KIF2A: variants seen among roughly 807,000 people sequenced by gnomAD.
KIF2A encodes kinesin-like protein KIF2A.
KIF2A carries 22 observed loss-of-function variants against 100.2 expected under a neutral mutation model. The observed-to-expected ratio is 0.22, with a 90% CI of 0.16 to 0.31. KIF2A has a LOEUF of 0.31. KIF2A is among the 10% of genes least tolerant of loss of function. KIF2A has a pLI of 1.00. For synonymous variants in KIF2A, 268 were observed against 285.9 expected (o/e 0.94, Z 0.63); for missense variants, 495 against 898.7 (o/e 0.55, Z 5.74).
chr5:62,321,717 A>C (rs1248108253), intron 1 of KIF2A, among the ~76,000 whole-genome samples: 1 of 151,656 alleles, frequency 6.6e-6, no homozygotes. Context: ...TGCACACCAC[A>C]TCCGGTCGAT....
chr5:62,388,782 A>C lies in KIF2A; in HGVS notation c.*3213A>C. On this transcript the variant is annotated 3_prime_UTR_variant, in exon 21 of 21. Transcript: ENST00000407818. ...GCGTCTCTGCGGCTCCTGAACTTGA[A>C]GATTATTATGAATAGATTGGACCAG... The C allele has an allele frequency of 1.8e-6, 1 of 546,504 alleles. No individual in the cohort carries two copies. Among genetic ancestry groups the C allele is most frequent in the Non-Finnish European group, 3.3e-6 (1 of 305,022 alleles). 33.9% of individuals were successfully genotyped at this position (546,504 alleles called of 1,614,324 possible). A position where few individuals can be genotyped will look rare whatever the true frequency, so the allele number is the denominator to read the frequency against.
intron 4 of KIF2A, among the ~76,000 whole-genome samples, chr5:62,351,423 A>G (rs552690930): frequency 1.1e-3 from 174 of 152,290 alleles, no homozygotes; most frequent in African/African-American, 3.8e-3. Context: ...TTGAACAGAC[A>G]TAAAAATTGT....
At chr5:62,329,860 AGAAAG>A (rs1469685106) in intron 1 of KIF2A, among the ~76,000 whole-genome samples, 3 of 152,208 alleles carry the variant, frequency 2.0e-5, no homozygotes, top group Non-Finnish European at 4.4e-5. Flanking sequence ...AATAAGCTGA[AGAAAG>A]GAATTGTATC....
intron 4 of KIF2A, among the ~76,000 whole-genome samples, chr5:62,352,286 TA>T (rs998336886): frequency 1.3e-5 from 2 of 152,120 alleles, no homozygotes; most frequent in Non-Finnish European, 2.9e-5. Flanking sequence ...AAAGGATTAT[TA>T]AAAAACAAGC....
At chr5:62,358,336 A>G (rs1006893644) in intron 9 of KIF2A, 37 bp downstream of exon 9, 10 of 1,453,686 alleles carry the variant, frequency 6.9e-6, no homozygotes, top group Non-Finnish European at 9.2e-6. Flanking sequence ...TTTTGTTCTT[A>G]TGCCATGTGG....
At chr5:62,375,660 C>T (rs1741505552) in intron 18 of KIF2A, among the ~76,000 whole-genome samples, 1 of 152,218 alleles carries the variant, frequency 6.6e-6, no homozygotes, top group Non-Finnish European at 1.5e-5. Flanking sequence ...GATACACTTA[C>T]TACTTTTTGT....
At chr5:62,368,289 T>C (rs1323039922) in intron 16 of KIF2A, among the ~76,000 whole-genome samples, 1 of 151,804 alleles carries the variant, frequency 6.6e-6, no homozygotes, top group Non-Finnish European at 1.5e-5. Flanking sequence ...TTTTTAAAAA[T>C]AATTTTACTA....
intron 1 of KIF2A, among the ~76,000 whole-genome samples, chr5:62,342,576 A>T (rs1027656319): frequency 1.3e-5 from 2 of 152,104 alleles, no homozygotes; most frequent in African/African-American, 4.8e-5. Context: ...GGCTCAGTGC[A>T]GGACTCCTCT....
intron 1 of KIF2A, among the ~76,000 whole-genome samples, chr5:62,338,051 A>G (rs1402395324): frequency 2.0e-5 from 3 of 152,202 alleles, no homozygotes; most frequent in African/African-American, 4.8e-5. Context: ...ACAATAAGAC[A>G]GGAGGGCTTA....
rs111443075 is a variant in KIF2A, at chr5:62,317,910, A to G, written c.64+11374A>G. ...TCTCCAGTCTCTTTTGCTATTGCCTATGTTTAAACTCTCTTGCTCACAAGA... is the reference window on the plus strand; with the variant it reads ...TCTCCAGTCTCTTTTGCTATTGCCTGTGTTTAAACTCTCTTGCTCACAAGA... On this transcript the variant is annotated intron_variant, in intron 1 of 20. Coordinates refer to ENST00000407818, the MANE Select transcript of KIF2A (RefSeq NM_001098511.3). 3.3e-3 allele frequency among the ~76,000 whole-genome samples: 497 copies of G among 148,650 alleles called. 3 individuals carry two copies. The highest frequency in any genetic ancestry group is 0.012 in the African/African-American group (464 of 40,172).
At chr5:62,335,202 G>T (rs973501003) in intron 1 of KIF2A, among the ~76,000 whole-genome samples, 5 of 152,224 alleles carry the variant, frequency 3.3e-5, no homozygotes, top group African/African-American at 1.2e-4. Context: ...TGGCTGGAGT[G>T]CCTGGCTTTG....
chr5:62,377,596 A>C (rs1316443985), intron 18 of KIF2A, 65 bp from the exon 19 acceptor site: 1 of 873,650 alleles, frequency 1.1e-6, no homozygotes, highest in Non-Finnish European at 1.7e-6. Flanking sequence ...AAATTAAAAA[A>C]AACTACTTTT....
At chr5:62,374,456 C>G in intron 18 of KIF2A, among the ~76,000 whole-genome samples, 1 of 151,756 alleles carries the variant, frequency 6.6e-6, no homozygotes, top group East Asian at 1.9e-4. Flanking sequence ...ATTTTTTTCC[C>G]TTAGATTTTT....
In KIF2A at chr5:62,385,630, G is replaced by C. The variant is rs1403804170; in HGVS notation, c.*61G>C. 1.8e-6 allele frequency: 2 copies of C among 1,138,530 alleles called. No individual in the cohort carries two copies. Among genetic ancestry groups the C allele is most frequent in the African/African-American group, 3.1e-5 (2 of 64,482 alleles). 70.5% of individuals were successfully genotyped at this position (1,138,530 alleles called of 1,614,324 possible). A position where few individuals can be genotyped will look rare whatever the true frequency, so the allele number is the denominator to read the frequency against. On this transcript the variant is annotated 3_prime_UTR_variant, in exon 21 of 21. Coordinates refer to ENST00000407818, the MANE Select transcript of KIF2A (RefSeq NM_001098511.3). The stretch of plus-strand genomic sequence containing the variant: ...CACTACTGTAACATACAACGGTTCA[G>C]CTGTAAGGGCCATTTGAAAGTTTGG...
At chr5:62,333,661 C>G (rs1241677618) in intron 1 of KIF2A, among the ~76,000 whole-genome samples, 2 of 152,142 alleles carry the variant, frequency 1.3e-5, no homozygotes, top group Admixed American at 6.5e-5. Flanking sequence ...CTGCCAACAC[C>G]CTACCACACT....
rs561036084 is a variant in KIF2A at position 62,321,675 on chromosome 5, C to T, written c.64+15139C>T. 1.1e-4 allele frequency among the ~76,000 whole-genome samples: 17 copies of T among 151,974 alleles called. No individual in the cohort carries two copies. In the South Asian group the frequency reaches 3.5e-3, roughly 32 times the overall value. On this transcript the variant is annotated intron_variant, in intron 1 of 20. Coordinates refer to ENST00000407818, the MANE Select transcript of KIF2A (RefSeq NM_001098511.3). ...CCTCCTGGGCTCAACTGATCCTCCC[C>T]GCTCAGCCTCCCAAGTAGCTGGGAC...
intron 1 of KIF2A, among the ~76,000 whole-genome samples, chr5:62,333,315 T>C (rs546882406): frequency 3.9e-5 from 6 of 152,206 alleles, no homozygotes; most frequent in Non-Finnish European, 8.8e-5. Context: ...GGTTTGCCTG[T>C]ACTTTCCAAA....
At chr5:62,359,465 A>T (rs549477225) in intron 9 of KIF2A, among the ~76,000 whole-genome samples, 2 of 152,082 alleles carry the variant, frequency 1.3e-5, no homozygotes, top group African/African-American at 4.8e-5. Flanking sequence ...TGTAAAAAAA[A>T]AAAGGATCAA....
chr5:62,333,935 A>G (rs1383446563), intron 1 of KIF2A, among the ~76,000 whole-genome samples: 1 of 152,118 alleles, frequency 6.6e-6, no homozygotes, highest in Non-Finnish European at 1.5e-5. Context: ...AGTACCTGCT[A>G]TTGAGGAGAA....
Sources: allele counts gnomAD v4.1 joint callset (sites outside exome capture counted in the v4.1 genomes callset), GRCh38; gene constraint gnomAD v4.1.1; transcripts MANE v1.5; gene names NCBI Gene and HGNC (gene_info 2026-07-23, HGNC 2026-07-21).